Variants in NET1 observed in about 807,000 individuals in gnomAD.
NET1 encodes the protein neuroepithelial cell transforming 1.
A neutral mutation model predicts 61.1 loss-of-function variants in NET1; 42 were observed. The observed-to-expected ratio is 0.69, with a 90% CI of 0.54 to 0.89. The LOEUF (loss-of-function observed/expected upper bound fraction) is 0.89. NET1 is among the 40% of genes least tolerant of loss of function. The pLI is 0.00. For synonymous variants in NET1, 254 were observed against 281.8 expected (o/e 0.90, Z 0.99); for missense variants, 654 against 747.3 (o/e 0.88, Z 1.46).
intron 3 of NET1, among the ~76,000 whole-genome samples, chr10:5,442,534 T>C (rs1319690422): frequency 1.3e-5 from 2 of 152,180 alleles, no homozygotes; most frequent in South Asian, 2.1e-4. Context: ...ATTCTAGATG[T>C]TCTATAGAAA....
chr10:5,436,333 A>G (rs1832438804), intron 3 of NET1, among the ~76,000 whole-genome samples: 1 of 133,912 alleles, frequency 7.5e-6, no homozygotes, highest in African/African-American at 2.9e-5. Context: ...ATCTCGGTTC[A>G]CTGCTCACTG....
chr10:5,432,672 T>C (rs1442204643), intron 3 of NET1, among the ~76,000 whole-genome samples: 1 of 152,156 alleles, frequency 6.6e-6, no homozygotes, highest in African/African-American at 2.4e-5. Context: ...TTCTTGTTCA[T>C]ATTCCTGACT....
At position 5,424,511 on chromosome 10, in the gene NET1, C is replaced by G. The variant is rs1832228383; in HGVS notation, c.129-2144C>G. ...TTTAAATACTTTGTTCCAGGGTTTT[C>G]TCAAGAAAAAAATACCATTTTCTTT... On this transcript the variant is annotated intron_variant, in intron 1 of 11. Coordinates refer to ENST00000355029, the MANE Select transcript of NET1 (RefSeq NM_001047160.3). The surrounding 1 kb of genome is among the most constrained non-coding windows in gnomAD (Gnocchi z 6.1). Among the ~76,000 whole-genome samples, 1 of 151,844 alleles carries G rather than the reference C, an allele frequency of 6.6e-6. No individual in the cohort carries two copies. Among genetic ancestry groups the G allele is most frequent in the Non-Finnish European group, 1.5e-5 (1 of 67,950 alleles).
Position 5,456,431 on chromosome 10 carries a change from G to C in NET1, c.1385-157G>C. 9.9e-7 allele frequency: 1 copy of C among 1,010,458 alleles called. No homozygotes were observed. Among genetic ancestry groups the C allele is most frequent in the Non-Finnish European group, 1.4e-6 (1 of 707,200 alleles). The allele number at this position is 1,010,458 out of a possible 1,614,324, so 62.6% of individuals were successfully genotyped here. On this transcript the variant is annotated intron_variant, in intron 11 of 11. Transcript: ENST00000355029. This position sits in a 1 kb window ranked among gnomAD's most constrained non-coding sequence, Gnocchi z 7.0. The stretch of plus-strand genomic sequence containing the variant: ...GGCCTTCCCAGCTCGAACACCCGCA[G>C]GTGTATCTAAGAAATAATGCATAGG...
At position 5,446,743 on chromosome 10, in the gene NET1, G is replaced by T; in HGVS notation, c.256-5087G>T. The T allele has an allele frequency of 6.3e-7, 1 of 1,595,682 alleles. No individual in the cohort carries two copies. The highest frequency in any genetic ancestry group is 8.6e-7 in the Non-Finnish European group (1 of 1,169,078). ...GACTCGGTGTGGATTGATTGGAAAG[G>T]TTTGAGGGAGTACTTGGGAAGCATG... On this transcript the variant is annotated intron_variant, in intron 3 of 11. Transcript: ENST00000355029. The surrounding 1 kb of genome is among the most constrained non-coding windows in gnomAD (Gnocchi z 5.0).
Position 5,426,604 on chromosome 10 carries a change from A to G in NET1, c.129-51A>G, listed in dbSNP as rs767415757. 6 of 1,413,114 alleles carry G rather than the reference A, an allele frequency of 4.2e-6. No homozygotes were observed. The highest frequency in any genetic ancestry group is 2.3e-5 in the East Asian group (1 of 43,260). 87.5% of individuals were successfully genotyped at this position (1,413,114 alleles called of 1,614,324 possible). Reference sequence around the variant, plus strand: ...TAGCTTTTTATCTGTTTGATGCTCTATTATGCTAAAGTCAATCTCTTTATT... The same window carrying G: ...TAGCTTTTTATCTGTTTGATGCTCTGTTATGCTAAAGTCAATCTCTTTATT... On this transcript the variant is annotated intron_variant, in intron 1 of 11. Transcript: ENST00000355029. The surrounding 1 kb of genome is among the most constrained non-coding windows in gnomAD (Gnocchi z 4.6).
intron 3 of NET1, among the ~76,000 whole-genome samples, chr10:5,433,885 A>T (rs148507630): frequency 6.6e-6 from 1 of 151,096 alleles, no homozygotes; most frequent in East Asian, 2.0e-4. Flanking sequence ...TTTTTTCCCT[A>T]ATGCATTAAG....
In NET1 at chr10:5,457,027, CTGTT is replaced by C. The variant is rs1408960996; in HGVS notation, c.*39_*42del. ...TCTGTGTGTTAACTGATGGGAGAGA[CTGTT>C]TGTTTATAAATGTGTACAGTTTTGT... On this transcript the variant is annotated 3_prime_UTR_variant, in exon 12 of 12. Transcript: ENST00000355029. The surrounding 1 kb of genome is among the most constrained non-coding windows in gnomAD (Gnocchi z 5.4). 2.3e-5 allele frequency: 34 copies of C among 1,509,728 alleles called. No individual in the cohort carries two copies. Among genetic ancestry groups the C allele is most frequent in the African/African-American group, 5.6e-5 (4 of 71,574 alleles). The allele number at this position is 1,509,728 out of a possible 1,614,324, so 93.5% of individuals were successfully genotyped here.
At chr10:5,445,988 C>G (rs1368716607) in intron 3 of NET1, among the ~76,000 whole-genome samples, 2 of 151,976 alleles carry the variant, frequency 1.3e-5, no homozygotes. Flanking sequence ...TTAAAAAGAT[C>G]CAGAAAAAAT....
At chr10:5,418,628 A>T (rs1832117097) in intron 1 of NET1, among the ~76,000 whole-genome samples, 1 of 151,846 alleles carries the variant, frequency 6.6e-6, no homozygotes, top group Non-Finnish European at 1.5e-5. Flanking sequence ...TTGTTCTTCT[A>T]TTCTTTGTTT....
chr10:5,432,973 A>G (rs996594665), intron 3 of NET1, among the ~76,000 whole-genome samples: 1 of 152,200 alleles, frequency 6.6e-6, no homozygotes. Context: ...TCCTATGAGC[A>G]TTTAGTTAAC....
In NET1 at chr10:5,452,492, G is replaced by C; in HGVS notation, c.498G>C (p.Glu166Asp). The change falls in exon 5 of 12, where the codon GAG becomes GAC. Residue 166 changes from glutamate (E) to aspartate (D), a missense_variant. Coordinates refer to ENST00000355029, the MANE Select transcript of NET1 (RefSeq NM_001047160.3). The surrounding 1 kb of genome is among the most constrained non-coding windows in gnomAD (Gnocchi z 4.0). ...AGATGCTGGACATCACCATGAAGGA[G>C]TCTCTCACCACCAGGGAGATCAGAC... ...WSEMLDITMK[E>D]SLTTREIRRQ... The C allele has an allele frequency of 6.2e-7, 1 of 1,614,078 alleles. No homozygotes were observed. The highest frequency in any genetic ancestry group is 8.5e-7 in the Non-Finnish European group (1 of 1,179,968).
chr10:5,451,730 G>C lies in NET1; in HGVS notation c.256-100G>C, dbSNP rs768890812. ...CTTTCATGTTTCTGTATTTTATAAT[G>C]TACAAAAATTGTTTTGTGAGAGGGC... On this transcript the variant is annotated intron_variant, in intron 3 of 11. Coordinates refer to ENST00000355029, the MANE Select transcript of NET1 (RefSeq NM_001047160.3). The surrounding 1 kb of genome is among the most constrained non-coding windows in gnomAD (Gnocchi z 6.1). The C allele has an allele frequency of 3.8e-5, 29 of 766,760 alleles. No homozygotes were observed. The highest frequency in any genetic ancestry group is 5.7e-5 in the Non-Finnish European group (27 of 474,826). 47.5% of individuals were successfully genotyped at this position (766,760 alleles called of 1,614,324 possible).
chr10:5,455,960 T>G lies in NET1; in HGVS notation c.1198-127T>G, dbSNP rs1237573122. ...TGCCATCTTTATGGATTACTAGATT[T>G]GTCACTTAGAGAGATCTTCGAAAAA... On this transcript the variant is annotated intron_variant, in intron 10 of 11. Coordinates refer to ENST00000355029, the MANE Select transcript of NET1 (RefSeq NM_001047160.3). The surrounding 1 kb of genome is among the most constrained non-coding windows in gnomAD (Gnocchi z 6.5). 7.6e-6 allele frequency: 7 copies of G among 916,180 alleles called. No individual in the cohort carries two copies. In the African/African-American group the frequency reaches 1.2e-4, roughly 15 times the overall value. The allele number at this position is 916,180 out of a possible 1,614,324, so 56.8% of individuals were successfully genotyped here.
Position 5,435,771 on chromosome 10 carries a change from G to C in NET1, c.255+6542G>C, listed in dbSNP as rs1453035034. On this transcript the variant is annotated intron_variant, in intron 3 of 11. Transcript: ENST00000355029. The surrounding 1 kb of genome is among the most constrained non-coding windows in gnomAD (Gnocchi z 5.0). ...TCATTAGCTATTTTGTCTTGAAGCT[G>C]TGATTGTTTATCAAATTTTTCTCTA... 1.3e-5 allele frequency among the ~76,000 whole-genome samples: 2 copies of C among 152,044 alleles called. No homozygotes were observed. The highest frequency in any genetic ancestry group is 2.9e-5 in the Non-Finnish European group (2 of 68,014).
chr10:5,453,868 A>T lies in NET1; in HGVS notation c.768+308A>T, dbSNP rs1832750701. 6.6e-6 allele frequency among the ~76,000 whole-genome samples: 1 copy of T among 152,124 alleles called. No homozygotes were observed. Among genetic ancestry groups the T allele is most frequent in the Non-Finnish European group, 1.5e-5 (1 of 68,014 alleles). On this transcript the variant is annotated intron_variant, in intron 8 of 11. Transcript: ENST00000355029. The surrounding 1 kb of genome is among the most constrained non-coding windows in gnomAD (Gnocchi z 4.9). Reference sequence around the variant, plus strand: ...TTTAAGCGCATGCCAAATGCGGGGCACTGTTTGAGGAGGAGTCGCTGGGAG... The same window carrying T: ...TTTAAGCGCATGCCAAATGCGGGGCTCTGTTTGAGGAGGAGTCGCTGGGAG...
rs71388435 is a variant in NET1, at chr10:5,435,474, G to GAGATAGAT, written c.255+6297_255+6304dup. 9.1e-5 allele frequency among the ~76,000 whole-genome samples: 13 copies of GAGATAGAT among 142,740 alleles called. No individual in the cohort carries two copies. The highest frequency in any genetic ancestry group is 3.2e-4 in the African/African-American group (12 of 37,538). The allele number at this position is 142,740 out of a possible 152,430, so 93.6% of individuals were successfully genotyped here. Reference sequence around the variant, plus strand: ...TTCTACTTTATATGCCTCCGTGCCTGAGATAGATAGATAGATAGATAGATA... The same window carrying GAGATAGAT: ...TTCTACTTTATATGCCTCCGTGCCTGAGATAGATAGATAGATAGATAGATAGATAGATA... On this transcript the variant is annotated intron_variant, in intron 3 of 11. Transcript: ENST00000355029. The surrounding 1 kb of genome is among the most constrained non-coding windows in gnomAD (Gnocchi z 5.0).
rs1832309719 is a variant in NET1 at position 5,429,221 on chromosome 10, G to T, written c.247G>T (p.Asp83Tyr). ...DDDVVSLSSLDLKEPSNKRVR... is the reference protein window; with the variant it reads ...DDDVVSLSSLYLKEPSNKRVR... Reference sequence around the variant, plus strand: ...TGATGTTGTAAGCCTTAGCAGCCTTGATCTGAAGGTAAGCCCTGCTGCCCT... The same window carrying T: ...TGATGTTGTAAGCCTTAGCAGCCTTTATCTGAAGGTAAGCCCTGCTGCCCT... The change falls in exon 3 of 12, where the codon GAT (aspartate) becomes TAT (tyrosine). Residue 83 changes from aspartate to tyrosine, a missense_variant. Asp to Tyr is a radical substitution (Grantham distance 160). Transcript: ENST00000355029. 1 of 1,607,516 alleles carries T rather than the reference G, an allele frequency of 6.2e-7. No homozygotes were observed. Among genetic ancestry groups the T allele is most frequent in the South Asian group, 1.1e-5 (1 of 89,686 alleles).
rs1383300363 is a variant in NET1 at position 5,458,824 on chromosome 10, T to C, written c.*1830T>C. ...TAAGTGTATATTACACCAATGATTG[T>C]GATCTGCAACACCAGAAAGCAAGAT... On this transcript the variant is annotated 3_prime_UTR_variant, in exon 12 of 12. Transcript: ENST00000355029. The surrounding 1 kb of genome is among the most constrained non-coding windows in gnomAD (Gnocchi z 4.5). Among the ~76,000 whole-genome samples, 2 of 152,202 alleles carry C rather than the reference T, an allele frequency of 1.3e-5. No individual in the cohort carries two copies. Among genetic ancestry groups the C allele is most frequent in the Admixed American group, 6.5e-5 (1 of 15,284 alleles).
Sources: gnomAD v4.1 joint callset for allele counts (sites outside exome capture counted in the v4.1 genomes callset) on GRCh38, gnomAD v4.1.1 for gene constraint, Gnocchi (gnomAD v3.1) non-coding constraint, MANE v1.5 for transcripts, NCBI Gene and HGNC (gene_info 2026-07-23, HGNC 2026-07-21) for gene names.